CACNA1C: variants seen among roughly 807,000 people sequenced by gnomAD.
The protein encoded by CACNA1C is voltage-dependent L-type calcium channel subunit alpha-1C.
CACNA1C carries 30 observed loss-of-function variants against 229.0 expected under a neutral mutation model. That is an observed-to-expected ratio of 0.13 (90% confidence interval 0.10 to 0.18). The LOEUF (loss-of-function observed/expected upper bound fraction) is 0.18, where lower values mean the gene tolerates loss of function less well. CACNA1C is among the 10% of genes least tolerant of loss of function. The pLI is 1.00. For missense variants in CACNA1C, 1,658 were observed against 2,845.0 expected, an observed-to-expected ratio of 0.58 and a Z score of 9.49; for synonymous variants, 1,114 against 1,132.5, an observed-to-expected ratio of 0.98 and a Z score of 0.33.
At chr12:2,402,599 C>T (rs528955169) in intron 3 of CACNA1C, among the ~76,000 whole-genome samples, 2 of 152,376 alleles carry the variant, frequency 1.3e-5, no homozygotes, top group South Asian at 2.1e-4. Flanking sequence ...AATTTTAATG[C>T]TGGCTCTGAC....
At chr12:2,283,623 C>T (rs576033043) in intron 3 of CACNA1C, among the ~76,000 whole-genome samples, 93 of 152,342 alleles carry the variant, frequency 6.1e-4, no homozygotes, top group Middle Eastern at 3.4e-3. Flanking sequence ...GTGTCTATTA[C>T]ACTGAAATGT....
intron 29 of CACNA1C, among the ~76,000 whole-genome samples, chr12:2,621,093 G>A (rs767349278): frequency 2.0e-5 from 3 of 152,096 alleles, no homozygotes; most frequent in Non-Finnish European, 4.4e-5. Context: ...CCACTTATCC[G>A]TACTTCCTTT....
intron 3 of CACNA1C, among the ~76,000 whole-genome samples, chr12:2,448,762 A>AG (rs371911767): frequency 1.1e-3 from 101 of 89,214 alleles, no homozygotes; most frequent in African/African-American, 3.3e-3. Flanking sequence ...ACTTTGATGC[A>AG]GAAAAAAAAA....
At chr12:2,491,962 T>TTCTC (rs57394200) in intron 6 of CACNA1C, among the ~76,000 whole-genome samples, 8,953 of 147,124 alleles carry the variant, frequency 0.061, 269 homozygotes, top group East Asian at 0.099. Context: ...TATAAGCAAA[T>TTCTC]TCTCTCTCTC....
chr12:2,384,953 G>T (rs1229253158), intron 3 of CACNA1C, among the ~76,000 whole-genome samples: 6 of 152,224 alleles, frequency 3.9e-5, no homozygotes, highest in African/African-American at 1.4e-4. Flanking sequence ...CTGGAAAGGG[G>T]CTGGGAGTGG....
chr12:2,015,119 C>T (rs2045124627), intron 1 of CACNA1C, among the ~76,000 whole-genome samples: 1 of 152,140 alleles, frequency 6.6e-6, no homozygotes, highest in Non-Finnish European at 1.5e-5. Flanking sequence ...CTGAGAAGAC[C>T]ATGTTGCTCT....
chr12:2,333,308 C>G (rs1333226028), intron 3 of CACNA1C, among the ~76,000 whole-genome samples: 1 of 152,174 alleles, frequency 6.6e-6, no homozygotes, highest in Non-Finnish European at 1.5e-5. Context: ...TTGGGAGACT[C>G]CAAAACCTGT....
intron 3 of CACNA1C, among the ~76,000 whole-genome samples, chr12:2,378,476 C>T (rs1279907448): frequency 1.3e-5 from 2 of 152,212 alleles, no homozygotes; most frequent in African/African-American, 2.4e-5. Context: ...AATCATCAAA[C>T]GTAAGCACAT....
At chr12:2,438,196 G>A (rs1056740875) in intron 3 of CACNA1C, among the ~76,000 whole-genome samples, 9 of 147,178 alleles carry the variant, frequency 6.1e-5, no homozygotes, top group East Asian at 2.1e-4. Context: ...GGATAATGAC[G>A]GCGATGGTGA....
At chr12:2,210,155 T>C (rs1435788281) in intron 3 of CACNA1C, among the ~76,000 whole-genome samples, 2 of 152,140 alleles carry the variant, frequency 1.3e-5, no homozygotes, top group Non-Finnish European at 2.9e-5. Flanking sequence ...GAGAGGGGAA[T>C]CTGATCTTCA....
intron 3 of CACNA1C, among the ~76,000 whole-genome samples, chr12:2,317,469 G>A (rs2095752905): frequency 6.6e-6 from 1 of 152,158 alleles, no homozygotes; most frequent in Admixed American, 6.6e-5. Flanking sequence ...ATGGGAAGCA[G>A]GATGACGGTT....
rs1363703734 is a variant in CACNA1C at position 2,319,976 on chromosome 12, C to T, written c.478-129000C>T. 1.3e-5 allele frequency among the ~76,000 whole-genome samples: 2 copies of T among 152,194 alleles called. No homozygotes were observed. The highest frequency in any genetic ancestry group is 6.5e-5 in the Admixed American group (1 of 15,286). On this transcript the variant is annotated intron_variant, in intron 3 of 46. Transcript: ENST00000399655. The surrounding 1 kb of genome is among the most constrained non-coding windows in gnomAD (Gnocchi z 4.0). ...TGACACCGGCTCCCACCCTTTAAAG[C>T]TCCTGTCCCTGGGGGTTTTGCTGCA...
At chr12:2,661,155 G>T (rs2095698400) in intron 34 of CACNA1C, among the ~76,000 whole-genome samples, 1 of 151,920 alleles carries the variant, frequency 6.6e-6, no homozygotes, top group Non-Finnish European at 1.5e-5. Context: ...CCAGCTACTT[G>T]AGAAGCTGTA....
chr12:2,219,210 T>C (rs2154347770), intron 3 of CACNA1C, among the ~76,000 whole-genome samples: 1 of 152,372 alleles, frequency 6.6e-6, no homozygotes, highest in South Asian at 2.1e-4. Context: ...GGTGCATTTC[T>C]GGGCTAACTG....
intron 1 of CACNA1C, among the ~76,000 whole-genome samples, chr12:2,012,389 G>A (rs2044596008): frequency 6.6e-6 from 1 of 152,192 alleles, no homozygotes; most frequent in Non-Finnish European, 1.5e-5. Context: ...ACACAGCCAT[G>A]CTCACTGGAT....
In CACNA1C at chr12:2,601,972, C is replaced by G; in HGVS notation, c.2960+12C>G. On this transcript the variant is annotated intron_variant, in intron 22 of 46. Transcript: ENST00000399655. This position sits in a 1 kb window ranked among gnomAD's most constrained non-coding sequence, Gnocchi z 5.9. ...TCCTTTGGCATCCAGTGAGTGGGAGCCCCTCAGCCCACGATGGGCCATGCA... is the reference window on the plus strand; with the variant it reads ...TCCTTTGGCATCCAGTGAGTGGGAGGCCCTCAGCCCACGATGGGCCATGCA... 6.4e-7 allele frequency: 1 copy of G among 1,554,576 alleles called. No individual in the cohort carries two copies. Among genetic ancestry groups the G allele is most frequent in the Non-Finnish European group, 8.9e-7 (1 of 1,125,768 alleles).
Position 2,678,397 on chromosome 12 carries a change from C to T in CACNA1C, c.5091+530C>T, listed in dbSNP as rs993363571. On this transcript the variant is annotated intron_variant, in intron 41 of 46. Transcript: ENST00000399655. The surrounding 1 kb of genome is among the most constrained non-coding windows in gnomAD (Gnocchi z 4.1). ...ACCCCTCCAGAACTCCCCTTTCCCT[C>T]TCCTTTCCTGGAGACTGAAGCTGCC... is the stretch of plus-strand genomic sequence containing the variant. Among the ~76,000 whole-genome samples the T allele has an allele frequency of 1.3e-5, 2 of 152,180 alleles. No homozygotes were observed. Among genetic ancestry groups the T allele is most frequent in the Non-Finnish European group, 2.9e-5 (2 of 68,038 alleles).
At chr12:2,216,180 G>A (rs900169770) in intron 3 of CACNA1C, among the ~76,000 whole-genome samples, 5 of 152,180 alleles carry the variant, frequency 3.3e-5, no homozygotes, top group Non-Finnish European at 7.3e-5. Flanking sequence ...GGGATGAAAT[G>A]TGAGGATGGG....
chr12:2,401,790 A>G (rs2098682167), intron 3 of CACNA1C, among the ~76,000 whole-genome samples: 1 of 152,280 alleles, frequency 6.6e-6, no homozygotes, highest in East Asian at 1.9e-4. Context: ...GCAGCTAGTA[A>G]GCACTGAATG....
Sources: gnomAD v4.1 joint callset for allele counts (sites outside exome capture counted in the v4.1 genomes callset) on GRCh38, gnomAD v4.1.1 for gene constraint, Gnocchi (gnomAD v3.1) non-coding constraint, MANE v1.5 for transcripts, NCBI Gene and HGNC (gene_info 2026-07-23, HGNC 2026-07-21) for gene names.